The following NLGN1 variants were observed in gnomAD, a reference collection of about 807,000 sequenced individuals.
NLGN1 encodes neuroligin-1.
In NLGN1, 12 loss-of-function variants were observed where a neutral mutation model predicts 65.5. That is an observed-to-expected ratio of 0.18 (90% CI 0.12 to 0.30). NLGN1 has a LOEUF of 0.30. Ranked by LOEUF, NLGN1 falls within the 10% of genes least tolerant of loss-of-function variation. The pLI is 1.00. For synonymous variants in NLGN1, 350 were observed against 359.5 expected (o/e 0.97, Z 0.30); for missense variants, 750 against 1,007.1 (o/e 0.74, Z 3.46).
intron 4 of NLGN1, among the ~76,000 whole-genome samples, chr3:173,827,287 G>A (rs1721527355): frequency 6.6e-6 from 1 of 152,204 alleles, no homozygotes; most frequent in South Asian, 2.1e-4. Flanking sequence ...GAGTCTGTAG[G>A]TTGAGGTAAA....
chr3:174,026,094 A>T (rs908957094), intron 4 of NLGN1, among the ~76,000 whole-genome samples: 3 of 152,150 alleles, frequency 2.0e-5, no homozygotes, highest in Non-Finnish European at 4.4e-5. Context: ...AAGAGAATTT[A>T]AAAAATTAAT....
At chr3:173,449,554 A>G (rs1044703009) in intron 2 of NLGN1, among the ~76,000 whole-genome samples, 13 of 152,064 alleles carry the variant, frequency 8.5e-5, no homozygotes, top group African/African-American at 3.1e-4. Flanking sequence ...TTTGGGGTGG[A>G]GAGTTCTGTA....
rs192735406 is a variant in NLGN1, at chr3:173,978,747, G to A, written c.646+170915G>A. Among the ~76,000 whole-genome samples the A allele has an allele frequency of 3.3e-5, 5 of 150,214 alleles. No homozygotes were observed. In the Admixed American group the frequency reaches 3.4e-4, roughly 10 times the overall value. ...ATGGTGGCTCATACCTGTAATCCCA[G>A]CATTTTGAGAGGCCTAGGTGGGTGG... On this transcript the variant is annotated intron_variant, in intron 4 of 6. Coordinates refer to ENST00000457714, the Ensembl canonical transcript of NLGN1.
intron 4 of NLGN1, among the ~76,000 whole-genome samples, chr3:174,154,985 T>TA (rs1561175061): frequency 0.017 from 2,358 of 137,406 alleles, 49 homozygotes; most frequent in Middle Eastern, 0.059. Context: ...ATATATTATA[T>TA]TATATATTAT....
At chr3:173,612,700 G>T (rs1418223814) in intron 3 of NLGN1, among the ~76,000 whole-genome samples, 1 of 152,028 alleles carries the variant, frequency 6.6e-6, no homozygotes, top group Non-Finnish European at 1.5e-5. Context: ...TACAAATAAG[G>T]TCATTGTATC....
chr3:173,981,524 G>A (rs1388598664), intron 4 of NLGN1, among the ~76,000 whole-genome samples: 2 of 152,214 alleles, frequency 1.3e-5, no homozygotes, highest in East Asian at 3.9e-4. Context: ...TTACATTAAA[G>A]CAGGGATCCC....
intron 4 of NLGN1, among the ~76,000 whole-genome samples, chr3:173,877,213 A>G (rs1176180893): frequency 6.6e-6 from 1 of 152,184 alleles, no homozygotes; most frequent in Non-Finnish European, 1.5e-5. Context: ...ATCTGTGGAT[A>G]TCATGTACCT....
chr3:174,211,838 G>A (rs904289108), intron 4 of NLGN1, among the ~76,000 whole-genome samples: 1 of 152,036 alleles, frequency 6.6e-6, no homozygotes, highest in African/African-American at 2.4e-5. Flanking sequence ...TGATTGGTGT[G>A]TTTACAATCC....
chr3:174,132,987 T>C (rs1561121223), intron 4 of NLGN1, among the ~76,000 whole-genome samples: 1 of 152,174 alleles, frequency 6.6e-6, no homozygotes, highest in East Asian at 1.9e-4. Context: ...AAATCTTGAG[T>C]GTCATTGATT....
At chr3:173,648,417 T>C (rs1758618063) in intron 3 of NLGN1, among the ~76,000 whole-genome samples, 1 of 151,902 alleles carries the variant, frequency 6.6e-6, no homozygotes, top group South Asian at 2.1e-4. Flanking sequence ...ACAGCAAAAA[T>C]GAGATACCAC....
chr3:174,121,730 T>C (rs1717819361), intron 4 of NLGN1, among the ~76,000 whole-genome samples: 1 of 152,178 alleles, frequency 6.6e-6, no homozygotes, highest in African/African-American at 2.4e-5. Flanking sequence ...TTCTTATACC[T>C]CCGGTAGCTT....
chr3:174,229,355 G>A (rs913644183), intron 4 of NLGN1, among the ~76,000 whole-genome samples: 1 of 152,044 alleles, frequency 6.6e-6, no homozygotes, highest in African/African-American at 2.4e-5. Context: ...ATATGAAAAT[G>A]AGGACTGGTA....
intron 2 of NLGN1, among the ~76,000 whole-genome samples, chr3:173,507,679 G>T (rs895476340): frequency 1.3e-5 from 2 of 150,552 alleles, no homozygotes; most frequent in African/African-American, 4.9e-5. Context: ...CCCAAATAGT[G>T]TGTGTGTGTG....
At chr3:173,906,981 T>G (rs1002603982) in intron 4 of NLGN1, among the ~76,000 whole-genome samples, 5 of 150,950 alleles carry the variant, frequency 3.3e-5, no homozygotes, top group Non-Finnish European at 7.4e-5. Flanking sequence ...ACTTACAAAA[T>G]AAATGGTAAA....
intron 2 of NLGN1, among the ~76,000 whole-genome samples, chr3:173,488,697 CT>C (rs984655584): frequency 6.6e-6 from 1 of 151,724 alleles, no homozygotes; most frequent in African/African-American, 2.4e-5. Flanking sequence ...GTCTTTTTTC[CT>C]TTTTCTTGAT....
At chr3:173,502,176 T>TA (rs1447091905) in intron 2 of NLGN1, among the ~76,000 whole-genome samples, 2 of 152,126 alleles carry the variant, frequency 1.3e-5, no homozygotes, top group Non-Finnish European at 2.9e-5. Context: ...TCAACTCTAT[T>TA]ATCAAGAGTG....
At chr3:173,424,696 A>G (rs1715772639) in intron 1 of NLGN1, among the ~76,000 whole-genome samples, 1 of 152,186 alleles carries the variant, frequency 6.6e-6, no homozygotes, top group Non-Finnish European at 1.5e-5. Context: ...AAAGTTCCTT[A>G]TCTCCTTCTG....
rs182995263 is a variant in NLGN1 at position 173,968,522 on chromosome 3, C to G, written c.646+160690C>G. On this transcript the variant is annotated intron_variant, in intron 4 of 6. Transcript: ENST00000457714. Reference sequence around the variant, plus strand: ...CATTTTTGCTTTTTTGACAAAAATACTGGATGAGGCTTATAATTAAGTGTG... The same window carrying G: ...CATTTTTGCTTTTTTGACAAAAATAGTGGATGAGGCTTATAATTAAGTGTG... Among the ~76,000 whole-genome samples, 67 of 151,572 alleles carry G rather than the reference C, an allele frequency of 4.4e-4. No homozygotes were observed. The East Asian group carries it at 0.013, about 29-fold the overall frequency.
At chr3:174,166,744 T>C (rs1727560151) in intron 4 of NLGN1, among the ~76,000 whole-genome samples, 1 of 152,136 alleles carries the variant, frequency 6.6e-6, no homozygotes, top group Non-Finnish European at 1.5e-5. Flanking sequence ...CTGTTAGTTT[T>C]CTGCCTCAAT....
Sources: gnomAD v4.1 joint callset for allele counts (sites outside exome capture counted in the v4.1 genomes callset) on GRCh38, gnomAD v4.1.1 for gene constraint, MANE v1.5 for transcripts, NCBI Gene and HGNC (gene_info 2026-07-23, HGNC 2026-07-21) for gene names.